Variants in FBXL14 observed in about 807,000 individuals in gnomAD.
The protein encoded by FBXL14 is F-box/LRR-repeat protein 14.
A neutral mutation model predicts 24.5 loss-of-function variants in FBXL14; 11 were observed. The observed-to-expected ratio is 0.45, with a 90% CI of 0.28 to 0.74. FBXL14 has a LOEUF of 0.74. Ranked by LOEUF, FBXL14 falls within the 30% of genes least tolerant of loss-of-function variation. The probability of loss-of-function intolerance (pLI) is 0.12; values close to 1 mark genes in which losing one functional copy is unlikely to be tolerated. For synonymous variants in FBXL14, 294 were observed against 240.4 expected, an observed-to-expected ratio of 1.22 and a Z score of -2.06; for missense variants, 384 against 545.6, an observed-to-expected ratio of 0.70 and a Z score of 2.95.
intron 1 of FBXL14, among the ~76,000 whole-genome samples, chr12:1,589,234 AC>A (rs2094483394): frequency 1.8e-5 from 1 of 54,460 alleles, no homozygotes; most frequent in East Asian, 2.8e-4. Flanking sequence ...CAAAAAAAAT[AC>A]AAAAAAAAAA....
intron 1 of FBXL14, among the ~76,000 whole-genome samples, chr12:1,578,609 A>G (rs890068552): frequency 4.6e-5 from 7 of 152,184 alleles, no homozygotes; most frequent in African/African-American, 1.7e-4. Flanking sequence ...ACTGCACTCC[A>G]GCCTGGGTGA....
In FBXL14 at chr12:1,593,710, C is replaced by G. The variant is rs189581771; in HGVS notation, c.357G>C (p.Leu119=). 2 of 1,614,142 alleles carry G rather than the reference C, an allele frequency of 1.2e-6. No individual in the cohort carries two copies. Among genetic ancestry groups the G allele is most frequent in the African/African-American group, 2.7e-5 (2 of 75,070 alleles). The change falls in exon 1 of 2, where the codon CTG becomes CTC. Residue 119 remains leucine, a synonymous_variant. Transcript: ENST00000339235. This position sits in a 1 kb window ranked among gnomAD's most constrained non-coding sequence, Gnocchi z 7.4. The stretch of plus-strand genomic sequence containing the variant: ...TGCAGAGGCTCAGGTTGAGAGCGCG[C>G]AGGGAGCCGATCTCCTGCACAAACG... ...GHAFVQEIGS[L]RALNLSLCKQ...
chr12:1,581,452 G>A, intron 1 of FBXL14, among the ~76,000 whole-genome samples: 1 of 152,154 alleles, frequency 6.6e-6, no homozygotes. Context: ...AGAAACTGGA[G>A]TCACGTGGTT....
intron 1 of FBXL14, among the ~76,000 whole-genome samples, chr12:1,571,387 T>C (rs772808383): frequency 3.9e-5 from 6 of 152,268 alleles, no homozygotes; most frequent in Non-Finnish European, 7.4e-5. Flanking sequence ...TTTGTATTTT[T>C]AGTAGAGACG....
intron 1 of FBXL14, among the ~76,000 whole-genome samples, chr12:1,592,362 A>G (rs2094492463): frequency 1.3e-5 from 2 of 152,026 alleles, no homozygotes; most frequent in Admixed American, 1.3e-4. Context: ...AGTGATGAGA[A>G]GAGACTGGGA....
intron 1 of FBXL14, among the ~76,000 whole-genome samples, chr12:1,587,012 C>T (rs952406756): frequency 6.6e-6 from 1 of 151,796 alleles, no homozygotes; most frequent in African/African-American, 2.4e-5. Context: ...CCGAGGCGGG[C>T]GGATCACTTG....
At chr12:1,572,053 G>A (rs1215242184) in intron 1 of FBXL14, among the ~76,000 whole-genome samples, 7 of 152,158 alleles carry the variant, frequency 4.6e-5, no homozygotes, top group Non-Finnish European at 1.5e-5. Flanking sequence ...GGATGGGGAG[G>A]GATGACTGAA....
In FBXL14 at chr12:1,593,842, G is replaced by T; in HGVS notation, c.225C>A (p.Ile75=). 1.2e-6 allele frequency: 2 copies of T among 1,613,834 alleles called. No individual in the cohort carries two copies. Among genetic ancestry groups the T allele is most frequent in the South Asian group, 1.1e-5 (1 of 91,080 alleles). The change falls in exon 1 of 2, where the codon ATC becomes ATA. Residue 75 remains isoleucine (I), a synonymous_variant. Coordinates refer to ENST00000339235, the MANE Select transcript of FBXL14 (RefSeq NM_152441.3). This position sits in a 1 kb window ranked among gnomAD's most constrained non-coding sequence, Gnocchi z 7.4. ...LQARGIRRVQ[I]LSLRRSLSYV... is the part of the protein sequence containing the mutation. Reference sequence around the variant, plus strand: ...AGCTGAGGCTGCGGCGGAGGCTCAGGATCTGCACCCGGCGGATGCCCCGGG... The same window carrying T: ...AGCTGAGGCTGCGGCGGAGGCTCAGTATCTGCACCCGGCGGATGCCCCGGG...
In FBXL14 at chr12:1,594,105, C is replaced by T. The variant is rs2094496592; in HGVS notation, c.-39G>A. On this transcript the variant is annotated 5_prime_UTR_variant, in exon 1 of 2. Coordinates refer to ENST00000339235, the MANE Select transcript of FBXL14 (RefSeq NM_152441.3). ...CCTCCGCGGCGCTGGGGGGAGGAGGCGCGGGCCCCGCCGCTCCGGCCTCGG... is the reference window on the plus strand; with the variant it reads ...CCTCCGCGGCGCTGGGGGGAGGAGGTGCGGGCCCCGCCGCTCCGGCCTCGG... The T allele has an allele frequency of 7.5e-7, 1 of 1,334,700 alleles. No homozygotes were observed. The highest frequency in any genetic ancestry group is 9.6e-7 in the Non-Finnish European group (1 of 1,047,012). 82.7% of individuals were successfully genotyped at this position (1,334,700 alleles called of 1,614,324 possible). A position where few individuals can be genotyped will look rare whatever the true frequency, so the allele number is the denominator to read the frequency against.
At chr12:1,573,814 G>A (rs2094449797) in intron 1 of FBXL14, among the ~76,000 whole-genome samples, 1 of 152,210 alleles carries the variant, frequency 6.6e-6, no homozygotes, top group African/African-American at 2.4e-5. Flanking sequence ...AGACCAGCCT[G>A]ACCAACATGG....
At chr12:1,572,379 T>A (rs1487029911) in intron 1 of FBXL14, among the ~76,000 whole-genome samples, 2 of 152,238 alleles carry the variant, frequency 1.3e-5, no homozygotes, top group African/African-American at 4.8e-5. Context: ...TTTCCTACTG[T>A]ACGTTTGCAA....
chr12:1,566,718 C>T lies in FBXL14; in HGVS notation c.*30G>A, dbSNP rs777853002. 17 of 780,592 alleles carry T rather than the reference C, an allele frequency of 2.2e-5. No individual in the cohort carries two copies. In the South Asian group the frequency reaches 2.3e-4, roughly 10 times the overall value. The allele number at this position is 780,592 out of a possible 1,614,324, so 48.4% of individuals were successfully genotyped here. A position where few individuals can be genotyped will look rare whatever the true frequency, so the allele number is the denominator to read the frequency against. ...CGGGCAAGTCTGGAAGTTAAAGATC[C>T]ACGGGAACCATGTCGTTGTCCCCTC... On this transcript the variant is annotated 3_prime_UTR_variant, in exon 2 of 2. Transcript: ENST00000339235.
intron 1 of FBXL14, among the ~76,000 whole-genome samples, chr12:1,586,532 G>A (rs2094476913): frequency 6.6e-6 from 1 of 152,130 alleles, no homozygotes; most frequent in African/African-American, 2.4e-5. Flanking sequence ...AAGAGAGACA[G>A]GGTGGTGCTT....
chr12:1,585,651 C>T (rs1204105289), intron 1 of FBXL14, among the ~76,000 whole-genome samples: 1 of 152,080 alleles, frequency 6.6e-6, no homozygotes, highest in Non-Finnish European at 1.5e-5. Flanking sequence ...TTGTTGACAC[C>T]CCACTGTGTG....
In FBXL14 at chr12:1,579,337, C is replaced by T. The variant is rs1177347816; in HGVS notation, c.1195-12527G>A. Among the ~76,000 whole-genome samples, 3 of 151,148 alleles carry T rather than the reference C, an allele frequency of 2.0e-5. No individual in the cohort carries two copies. Among genetic ancestry groups the T allele is most frequent in the East Asian group, 1.9e-4 (1 of 5,184 alleles). On this transcript the variant is annotated intron_variant, in intron 1 of 1. Coordinates refer to ENST00000339235, the MANE Select transcript of FBXL14 (RefSeq NM_152441.3). The surrounding 1 kb of genome is among the most constrained non-coding windows in gnomAD (Gnocchi z 4.3). ...AGAGGTTTTAAAAAATAATCTGGGC[C>T]GGGCACGGTGGCTCACGCCTGTAAT...
At chr12:1,586,158 T>C (rs2154438197) in intron 1 of FBXL14, among the ~76,000 whole-genome samples, 1 of 151,790 alleles carries the variant, frequency 6.6e-6, no homozygotes, top group Admixed American at 6.6e-5. Flanking sequence ...GCATATTAAA[T>C]AGTAATAACT....
chr12:1,592,265 A>C (rs2094492173), intron 1 of FBXL14, among the ~76,000 whole-genome samples: 1 of 149,570 alleles, frequency 6.7e-6, no homozygotes, highest in South Asian at 2.1e-4. Context: ...CCATGATTTC[A>C]AATTTTTTCC....
At chr12:1,575,708 G>A (rs1302237922) in intron 1 of FBXL14, among the ~76,000 whole-genome samples, 2 of 152,154 alleles carry the variant, frequency 1.3e-5, no homozygotes, top group East Asian at 1.9e-4. Context: ...GCCAACAGGC[G>A]TGGGAGCTTA....
chr12:1,569,471 G>T lies in FBXL14; in HGVS notation c.1195-2661C>A, dbSNP rs1163211090. Among the ~76,000 whole-genome samples the T allele has an allele frequency of 6.6e-6, 1 of 151,366 alleles. No homozygotes were observed. The highest frequency in any genetic ancestry group is 2.1e-4 in the South Asian group (1 of 4,814). On this transcript the variant is annotated intron_variant, in intron 1 of 1. Transcript: ENST00000339235. This position sits in a 1 kb window ranked among gnomAD's most constrained non-coding sequence, Gnocchi z 4.2. The stretch of plus-strand genomic sequence containing the variant: ...GCTAGAGTGCAGTGCCGCAATCTCG[G>T]CTCACTGCAAGCTCCGCTTCCCGGG...
Sources: gnomAD v4.1 joint callset for allele counts (sites outside exome capture counted in the v4.1 genomes callset) on GRCh38, gnomAD v4.1.1 for gene constraint, Gnocchi (gnomAD v3.1) non-coding constraint, MANE v1.5 for transcripts, NCBI Gene and HGNC (gene_info 2026-07-23, HGNC 2026-07-21) for gene names.